The following CDH23 variants were observed in gnomAD, a reference collection of about 807,000 sequenced individuals.
CDH23 encodes the protein cadherin-23.
In CDH23, 189 loss-of-function variants were observed where a neutral mutation model predicts 317.1. That is an observed-to-expected ratio of 0.60 (90% CI 0.53 to 0.67). CDH23 has a LOEUF of 0.67. CDH23 is among the 30% of genes least tolerant of loss of function. The pLI is 0.00. For synonymous variants in CDH23, 1,839 were observed against 1,876.8 expected, an observed-to-expected ratio of 0.98 and a Z score of 0.52; for missense variants, 4,401 against 4,592.4, an observed-to-expected ratio of 0.96 and a Z score of 1.20.
intron 11 of CDH23, among the ~76,000 whole-genome samples, chr10:71,638,391 A>G (rs1029238140): frequency 1.3e-5 from 2 of 152,226 alleles, no homozygotes; most frequent in African/African-American, 4.8e-5. Flanking sequence ...GGGGAGGGCC[A>G]AAGAGCCAGA....
chr10:71,468,410 C>T (rs981385836), intron 3 of CDH23, among the ~76,000 whole-genome samples: 2 of 152,168 alleles, frequency 1.3e-5, no homozygotes, highest in Non-Finnish European at 2.9e-5. Flanking sequence ...CACATCAATC[C>T]CAGGCTCCTT....
rs559380138 is a variant in CDH23 at position 71,485,187 on chromosome 10, C to T, written c.146-24895C>T. On this transcript the variant is annotated intron_variant, in intron 3 of 69. Coordinates refer to ENST00000224721, the MANE Select transcript of CDH23 (RefSeq NM_022124.6). The stretch of plus-strand genomic sequence containing the variant: ...GACTACAGGTATGTGCCACCATGCC[C>T]GGCTAATTTTTGTATTTTTAGTAGA... Among the ~76,000 whole-genome samples the T allele has an allele frequency of 1.1e-3, 173 of 151,972 alleles. 1 individual carries two copies. The highest frequency in any genetic ancestry group is 3.4e-3 in the Middle Eastern group (1 of 294).
At chr10:71,443,543 C>T (rs7096823) in intron 2 of CDH23, among the ~76,000 whole-genome samples, 51,955 of 152,182 alleles carry the variant, frequency 0.34, 9,100 homozygotes, top group Middle Eastern at 0.47. Context: ...CATGCCCTCC[C>T]GGTCTGCCTT....
At position 71,646,441 on chromosome 10, in the gene CDH23, C is replaced by G; in HGVS notation, c.1291-18C>G. ...GGACATGTGGGAGCTTACCTGGGCCCCTGTTCTGCACCCCCAGCTCTTTGC... is the reference window on the plus strand; with the variant it reads ...GGACATGTGGGAGCTTACCTGGGCCGCTGTTCTGCACCCCCAGCTCTTTGC... On this transcript the variant is annotated intron_variant, in intron 13 of 69. Coordinates refer to ENST00000224721, the MANE Select transcript of CDH23 (RefSeq NM_022124.6). 1.2e-6 allele frequency: 2 copies of G among 1,612,200 alleles called. No homozygotes were observed. The highest frequency in any genetic ancestry group is 8.5e-7 in the Non-Finnish European group (1 of 1,179,052).
chr10:71,754,118 A>C (rs1840072981), intron 38 of CDH23, among the ~76,000 whole-genome samples: 1 of 151,998 alleles, frequency 6.6e-6, no homozygotes, highest in African/African-American at 2.4e-5. Context: ...CCAGCCTTCC[A>C]CCAGGGAGGG....
chr10:71,702,793 G>A (rs1238477084), intron 24 of CDH23, 99 bp downstream of exon 24: 1 of 1,381,918 alleles, frequency 7.2e-7, no homozygotes, highest in Non-Finnish European at 1.0e-6. Context: ...TGGGGCAGGG[G>A]AGGAGCTGGG....
chr10:71,547,908 C>T (rs1856372746), intron 6 of CDH23, among the ~76,000 whole-genome samples: 1 of 152,142 alleles, frequency 6.6e-6, no homozygotes, highest in Non-Finnish European at 1.5e-5. Flanking sequence ...CTGCTGTGGC[C>T]AGGGCTAAGC....
chr10:71,644,772 A>G (rs12570148), intron 12 of CDH23, among the ~76,000 whole-genome samples: 46,017 of 152,228 alleles, frequency 0.3, 7,142 homozygotes, highest in East Asian at 0.4. Flanking sequence ...GCTCTGCACC[A>G]TAAGCCAGAG....
intron 1 of CDH23, among the ~76,000 whole-genome samples, chr10:71,423,869 C>T (rs1235884256): frequency 6.6e-6 from 1 of 152,210 alleles, no homozygotes; most frequent in East Asian, 1.9e-4. Context: ...GTTCTAAGAT[C>T]GCCTGGTCTG....
At chr10:71,694,925 C>T (rs543367736) in intron 21 of CDH23, among the ~76,000 whole-genome samples, 12 of 152,324 alleles carry the variant, frequency 7.9e-5, no homozygotes, top group South Asian at 6.2e-4. Context: ...AGGCTGGAGA[C>T]GGTATCGCGT....
chr10:71,661,096 C>T (rs1301829826), intron 14 of CDH23, among the ~76,000 whole-genome samples: 1 of 152,204 alleles, frequency 6.6e-6, no homozygotes, highest in African/African-American at 2.4e-5. Context: ...CACGAACCTC[C>T]TTGTCTGCAA....
chr10:71,643,999 G>A (rs1254889939), intron 12 of CDH23, 133 bp downstream of exon 12: 3 of 665,328 alleles, frequency 4.5e-6, no homozygotes, highest in African/African-American at 3.6e-5. Context: ...GTGGTTGAGG[G>A]ACCAAAGGTT....
chr10:71,461,727 C>T (rs1487227697), intron 3 of CDH23, among the ~76,000 whole-genome samples: 1 of 152,332 alleles, frequency 6.6e-6, no homozygotes, highest in East Asian at 1.9e-4. Context: ...CTCATCGCAA[C>T]CCCGAAGGCC....
At chr10:71,563,430 C>T (rs1857231262) in intron 6 of CDH23, among the ~76,000 whole-genome samples, 1 of 151,398 alleles carries the variant, frequency 6.6e-6, no homozygotes, top group African/African-American at 2.4e-5. Flanking sequence ...TGTGGAAGGT[C>T]TTCTGGGGCT....
At chr10:71,715,511 G>A (rs1475746676) in intron 28 of CDH23, 1 of 159,086 alleles carries the variant, frequency 6.3e-6, no homozygotes, top group Non-Finnish European at 1.4e-5. Context: ...GGTGTAGGCT[G>A]AGCATTTCAC....
rs1564557822 is a variant in CDH23 at position 71,403,330 on chromosome 10, T to TTCCTTCCTTCCTTC, written c.-6+6012_-6+6013insTCCTTCCTTCCTTC. On this transcript the variant is annotated intron_variant, in intron 1 of 69. Coordinates refer to ENST00000224721, the MANE Select transcript of CDH23 (RefSeq NM_022124.6). ...CTTTCTCTTTCTTCCTTCCTTCCTT[T>TTCCTTCCTTCCTTC]CTTTCTTTCTTTCTTTCTTTCTTTC... Among the ~76,000 whole-genome samples, 90 of 44,076 alleles carry TTCCTTCCTTCCTTC rather than the reference T, an allele frequency of 2.0e-3. 21 individuals carry two copies. Among genetic ancestry groups the TTCCTTCCTTCCTTC allele is most frequent in the African/African-American group, 6.8e-3 (84 of 12,326 alleles). 28.9% of individuals were successfully genotyped at this position (44,076 alleles called of 152,430 possible).
intron 44 of CDH23, among the ~76,000 whole-genome samples, chr10:71,788,626 T>C (rs1419376073): frequency 1.3e-5 from 2 of 152,074 alleles, no homozygotes; most frequent in Non-Finnish European, 2.9e-5. Flanking sequence ...CAGCTAATTT[T>C]TTGTGCTTTT....
chr10:71,501,001 G>T (rs1355452727), intron 3 of CDH23, among the ~76,000 whole-genome samples: 2 of 151,984 alleles, frequency 1.3e-5, no homozygotes, highest in African/African-American at 4.8e-5. Context: ...TCGAGTAGCT[G>T]GGATTACAGG....
intron 60 of CDH23, 58 bp from the exon 61 acceptor site, chr10:71,809,762 C>CCTGGGGATTCGGGGCA: frequency 6.3e-7 from 1 of 1,581,032 alleles, no homozygotes; most frequent in Non-Finnish European, 8.6e-7. Context: ...CATGCCCCTT[C>CCTGGGGATTCGGGGCA]CTGGGGATTC....
Sources: gnomAD v4.1 joint callset for allele counts (sites outside exome capture counted in the v4.1 genomes callset) on GRCh38, gnomAD v4.1.1 for gene constraint, MANE v1.5 for transcripts, NCBI Gene and HGNC (gene_info 2026-07-23, HGNC 2026-07-21) for gene names.